The following LRP1B variants were observed in gnomAD, a reference collection of about 807,000 sequenced individuals.
LRP1B encodes the protein low-density lipoprotein receptor-related protein 1B.
A neutral mutation model predicts 556.6 loss-of-function variants in LRP1B; 217 were observed. The observed-to-expected ratio is 0.39, with a 90% confidence interval of 0.35 to 0.44. The LOEUF is 0.44. Among genes scored for constraint, LRP1B ranks in the 20% least tolerant of loss-of-function variants. The pLI, the probability that LRP1B is intolerant of heterozygous loss-of-function variation, is 1.00. For synonymous variants in LRP1B, 2,047 were observed against 1,865.8 expected, an observed-to-expected ratio of 1.10 and a Z score of -2.50; for missense variants, 5,053 against 5,620.8, an observed-to-expected ratio of 0.90 and a Z score of 3.23.
At chr2:141,606,007 C>G (rs16855062) in intron 2 of LRP1B, among the ~76,000 whole-genome samples, 36 of 151,214 alleles carry the variant, frequency 2.4e-4, no homozygotes, top group Non-Finnish European at 5.0e-4. Flanking sequence ...ATTACTTAAT[C>G]GAAAGTCTAT....
chr2:140,434,812 T>C (rs998656441), intron 66 of LRP1B, among the ~76,000 whole-genome samples: 1 of 152,214 alleles, frequency 6.6e-6, no homozygotes, highest in African/African-American at 2.4e-5. Flanking sequence ...ATCATTATAT[T>C]ATGTCCAAGT....
At chr2:140,948,674 C>A (rs1255999116) in intron 20 of LRP1B, among the ~76,000 whole-genome samples, 6 of 152,292 alleles carry the variant, frequency 3.9e-5, no homozygotes, top group African/African-American at 1.4e-4. Flanking sequence ...ATTATAATTT[C>A]TACGATGTCC....
intron 77 of LRP1B, among the ~76,000 whole-genome samples, chr2:140,340,419 G>T (rs1311534723): frequency 6.6e-6 from 1 of 151,482 alleles, no homozygotes; most frequent in Non-Finnish European, 1.5e-5. Flanking sequence ...CATATCTATG[G>T]TAATTGCTCA....
chr2:141,819,256 C>CAAACA (rs1553469009), intron 1 of LRP1B, among the ~76,000 whole-genome samples: 31 of 148,902 alleles, frequency 2.1e-4, no homozygotes, highest in East Asian at 1.8e-3. Context: ...AACAAACAAA[C>CAAACA]AAAAAAAAAA....
intron 2 of LRP1B, among the ~76,000 whole-genome samples, chr2:141,502,904 AG>A (rs1683778708): frequency 6.6e-6 from 1 of 150,740 alleles, no homozygotes. Context: ...TAAGACAGCT[AG>A]GATATATAAG....
intron 2 of LRP1B, among the ~76,000 whole-genome samples, chr2:141,715,751 GT>G (rs1309004905): frequency 6.6e-6 from 1 of 152,116 alleles, no homozygotes; most frequent in African/African-American, 2.4e-5. Context: ...GGAGGCAGAG[GT>G]TGTAGTGAGC....
intron 1 of LRP1B, among the ~76,000 whole-genome samples, chr2:142,013,657 T>C (rs1703026869): frequency 6.6e-6 from 1 of 152,138 alleles, no homozygotes; most frequent in Admixed American, 6.5e-5. Flanking sequence ...AGAAGGATGA[T>C]AAATAAAACT....
chr2:141,156,622 GAA>G (rs11444970), intron 7 of LRP1B, among the ~76,000 whole-genome samples: 1 of 136,316 alleles, frequency 7.3e-6, no homozygotes. Flanking sequence ...GGCTATCTCA[GAA>G]AAAAAAAAAA....
chr2:141,700,274 C>T (rs183093341), intron 2 of LRP1B, among the ~76,000 whole-genome samples: 2 of 151,838 alleles, frequency 1.3e-5, no homozygotes, highest in East Asian at 1.9e-4. Flanking sequence ...GTTTATTCCC[C>T]GCTGGCAGAC....
chr2:141,464,596 A>ATTTTTTTTTT (rs1402968531), intron 3 of LRP1B, among the ~76,000 whole-genome samples: 1 of 33,382 alleles, frequency 3.0e-5, no homozygotes, highest in African/African-American at 6.3e-5. Flanking sequence ...ATATATATAT[A>ATTTTTTTTTT]TATATATATA....
chr2:140,650,216 A>T (rs1684627039), intron 41 of LRP1B, among the ~76,000 whole-genome samples: 2 of 151,556 alleles, frequency 1.3e-5, no homozygotes, highest in South Asian at 4.1e-4. Context: ...TTCTAATATA[A>T]AAAAAAGGCA....
At chr2:140,737,747 C>A (rs1210061911) in intron 35 of LRP1B, among the ~76,000 whole-genome samples, 2 of 152,138 alleles carry the variant, frequency 1.3e-5, no homozygotes, top group Non-Finnish European at 2.9e-5. Context: ...AGACAGGGTG[C>A]AGGAGTAGTG....
intron 6 of LRP1B, among the ~76,000 whole-genome samples, chr2:141,191,871 A>T (rs1681526378): frequency 6.6e-6 from 1 of 151,936 alleles, no homozygotes; most frequent in Non-Finnish European, 1.5e-5. Context: ...TATGTGCCAG[A>T]GTCCATTCAA....
chr2:140,459,165 G>A (rs139642959), intron 60 of LRP1B, among the ~76,000 whole-genome samples: 1 of 152,032 alleles, frequency 6.6e-6, no homozygotes, highest in African/African-American at 2.4e-5. Flanking sequence ...GAATGAAAAG[G>A]ACACTTTACT....
intron 11 of LRP1B, among the ~76,000 whole-genome samples, chr2:141,048,749 G>A (rs145054621): frequency 3.9e-5 from 6 of 152,092 alleles, no homozygotes; most frequent in East Asian, 3.9e-4. Context: ...TTTTAATTCC[G>A]ATAATATTTA....
chr2:140,753,682 C>T (rs1244810972), intron 35 of LRP1B, among the ~76,000 whole-genome samples: 1 of 152,178 alleles, frequency 6.6e-6, no homozygotes, highest in Non-Finnish European at 1.5e-5. Context: ...GCACTAAATA[C>T]TATTACTGCT....
At chr2:140,908,393 A>ATATATAT (rs1559188028) in intron 21 of LRP1B, among the ~76,000 whole-genome samples, 4 of 143,730 alleles carry the variant, frequency 2.8e-5, no homozygotes, top group African/African-American at 7.6e-5. Context: ...TATATATATA[A>ATATATAT]AAAGAAGGTT....
At chr2:140,264,430 C>A (rs923298126) in intron 86 of LRP1B, among the ~76,000 whole-genome samples, 1 of 151,944 alleles carries the variant, frequency 6.6e-6, no homozygotes, top group Non-Finnish European at 1.5e-5. Context: ...GGTTTCACCA[C>A]GTTGGCCAGG....
chr2:141,283,876 A>G (rs1212439839), intron 3 of LRP1B, among the ~76,000 whole-genome samples: 1 of 152,120 alleles, frequency 6.6e-6, no homozygotes, highest in African/African-American at 2.4e-5. Flanking sequence ...GGAATAATAT[A>G]GGTATTTTAT....
Sources: allele counts gnomAD v4.1 joint callset (sites outside exome capture counted in the v4.1 genomes callset), GRCh38; gene constraint gnomAD v4.1.1; transcripts MANE v1.5; gene names NCBI Gene and HGNC (gene_info 2026-07-23, HGNC 2026-07-21).